NRXN3: variants seen among roughly 807,000 people sequenced by gnomAD.
NRXN3 encodes neurexin III.
NRXN3 carries 32 observed loss-of-function variants against 137.6 expected under a neutral mutation model. That is an observed-to-expected ratio of 0.23 (90% CI 0.18 to 0.31). NRXN3 has a LOEUF of 0.31. NRXN3 is among the 10% of genes least tolerant of loss of function. The pLI, the probability that NRXN3 is intolerant of heterozygous loss-of-function variation, is 1.00. For missense variants in NRXN3, 1,574 were observed against 2,062.5 expected, an observed-to-expected ratio of 0.76 and a Z score of 4.59; for synonymous variants, 798 against 784.5, an observed-to-expected ratio of 1.02 and a Z score of -0.29.
At chr14:79,471,468 C>G (rs1335955035) in intron 16 of NRXN3, among the ~76,000 whole-genome samples, 3 of 152,160 alleles carry the variant, frequency 2.0e-5, no homozygotes, top group Non-Finnish European at 4.4e-5. Context: ...CATTTCTTTT[C>G]CTTTGTTATC....
intron 10 of NRXN3, among the ~76,000 whole-genome samples, chr14:78,871,030 G>A (rs1470766076): frequency 2.0e-5 from 3 of 149,652 alleles, no homozygotes; most frequent in Admixed American, 1.4e-4. Flanking sequence ...ACATGGGAGT[G>A]CAGATATCTC....
At chr14:79,165,418 G>T (rs1019923802) in intron 15 of NRXN3, among the ~76,000 whole-genome samples, 5 of 151,934 alleles carry the variant, frequency 3.3e-5, no homozygotes, top group Admixed American at 2.6e-4. Flanking sequence ...ATTCACCTCA[G>T]AAAATTTTCT....
intron 4 of NRXN3, among the ~76,000 whole-genome samples, chr14:78,562,899 A>G (rs2096800558): frequency 6.6e-6 from 1 of 152,198 alleles, no homozygotes; most frequent in South Asian, 2.1e-4. Flanking sequence ...GGCCTTAACG[A>G]TCCTAAGTAA....
chr14:79,093,033 C>T (rs2202177), intron 15 of NRXN3, among the ~76,000 whole-genome samples: 150,895 of 152,262 alleles, frequency 0.99, 74,793 homozygotes, highest in Middle Eastern at 1. Flanking sequence ...CATTTATTCA[C>T]ACTCAACAAA....
intron 4 of NRXN3, among the ~76,000 whole-genome samples, chr14:78,593,006 A>T (rs537584608): frequency 6.6e-6 from 1 of 152,312 alleles, no homozygotes; most frequent in East Asian, 1.9e-4. Context: ...ATTTGTGCGC[A>T]CAGGCACTGA....
At chr14:79,811,696 C>T (rs1305451464) in intron 20 of NRXN3, among the ~76,000 whole-genome samples, 1 of 151,216 alleles carries the variant, frequency 6.6e-6, no homozygotes, top group Admixed American at 6.6e-5. Context: ...ATTGTCCTGC[C>T]TCAGTCTCCT....
intron 19 of NRXN3, among the ~76,000 whole-genome samples, chr14:79,702,886 C>A (rs1051847594): frequency 9.3e-5 from 5 of 53,534 alleles, no homozygotes; most frequent in African/African-American, 3.0e-4. Context: ...AAGTGAGAAA[C>A]AAGTCTTTTA....
At chr14:79,045,690 G>A (rs1276532363) in intron 15 of NRXN3, among the ~76,000 whole-genome samples, 7 of 152,224 alleles carry the variant, frequency 4.6e-5, no homozygotes, top group African/African-American at 9.6e-5. Context: ...TTATGAAGGT[G>A]CCACCTGAAT....
chr14:79,103,668 A>G (rs2051792264), intron 15 of NRXN3, among the ~76,000 whole-genome samples: 1 of 152,142 alleles, frequency 6.6e-6, no homozygotes, highest in Admixed American at 6.6e-5. Context: ...CAATGATTAC[A>G]TGAAGCTATT....
intron 10 of NRXN3, among the ~76,000 whole-genome samples, chr14:78,879,180 G>C (rs1469768476): frequency 6.6e-6 from 1 of 152,180 alleles, no homozygotes; most frequent in African/African-American, 2.4e-5. Context: ...TTGGACTGCA[G>C]ATATCTCTTT....
In NRXN3 at chr14:79,226,814, C is replaced by CT. The variant is rs3035642; in HGVS notation, c.3262+238692dup. Among the ~76,000 whole-genome samples the CT allele has an allele frequency of 1.6e-3, 158 of 98,446 alleles. 1 individual carries two copies. Among genetic ancestry groups the CT allele is most frequent in the African/African-American group, 5.6e-3 (137 of 24,512 alleles). 64.6% of individuals were successfully genotyped at this position (98,446 alleles called of 152,430 possible). A position where few individuals can be genotyped will look rare whatever the true frequency, so the allele number is the denominator to read the frequency against. On this transcript the variant is annotated intron_variant, in intron 15 of 20. Transcript: ENST00000335750. ...ATTCCTCTTTTTTCATCCTTTTTTTCTTTTTTTTTTTTTTTTTTTGAGACA... is the reference window on the plus strand; with the variant it reads ...ATTCCTCTTTTTTCATCCTTTTTTTCTTTTTTTTTTTTTTTTTTTTGAGACA...
At chr14:79,168,088 T>C (rs1320964185) in intron 15 of NRXN3, among the ~76,000 whole-genome samples, 3 of 152,040 alleles carry the variant, frequency 2.0e-5, no homozygotes, top group Non-Finnish European at 4.4e-5. Context: ...TGTGAGTCTC[T>C]GACTGTAAGG....
chr14:79,492,263 T>C (rs187871234), intron 16 of NRXN3, among the ~76,000 whole-genome samples: 1 of 152,204 alleles, frequency 6.6e-6, no homozygotes, highest in East Asian at 1.9e-4. Context: ...CATAATTATA[T>C]GTATCAGTAA....
chr14:79,112,952 C>G (rs1237452863), intron 15 of NRXN3, among the ~76,000 whole-genome samples: 1 of 152,154 alleles, frequency 6.6e-6, no homozygotes, highest in African/African-American at 2.4e-5. Context: ...AGAGAATGGA[C>G]ATTGTTACCT....
At chr14:78,602,265 G>A (rs1023900058) in intron 4 of NRXN3, among the ~76,000 whole-genome samples, 2 of 96,722 alleles carry the variant, frequency 2.1e-5, no homozygotes, top group African/African-American at 1.0e-4. Context: ...TTTCACATTA[G>A]CCTTTTTTTT....
intron 15 of NRXN3, among the ~76,000 whole-genome samples, chr14:79,091,552 C>T (rs747934825): frequency 1.3e-5 from 2 of 152,046 alleles, no homozygotes; most frequent in Non-Finnish European, 2.9e-5. Flanking sequence ...TGAGAGGTTC[C>T]CCATGGGGCG....
chr14:79,384,102 C>T (rs1017299215), intron 15 of NRXN3, among the ~76,000 whole-genome samples: 1 of 152,138 alleles, frequency 6.6e-6, no homozygotes, highest in Non-Finnish European at 1.5e-5. Flanking sequence ...GGCACCTCCC[C>T]CACTCCCACT....
At chr14:78,569,143 A>G in intron 4 of NRXN3, among the ~76,000 whole-genome samples, 1 of 150,308 alleles carries the variant, frequency 6.7e-6, no homozygotes, top group Non-Finnish European at 1.5e-5. Context: ...AATTTTTTGT[A>G]TTTTTAGTAG....
At chr14:79,323,305 G>A (rs2153275730) in intron 15 of NRXN3, among the ~76,000 whole-genome samples, 1 of 152,224 alleles carries the variant, frequency 6.6e-6, no homozygotes, top group South Asian at 2.1e-4. Context: ...GTCTTCCAAA[G>A]TGCTGGCATT....
Sources: allele counts gnomAD v4.1 joint callset (sites outside exome capture counted in the v4.1 genomes callset), GRCh38; gene constraint gnomAD v4.1.1; transcripts MANE v1.5; gene names NCBI Gene and HGNC (gene_info 2026-07-23, HGNC 2026-07-21).